Variants in ZNF804B observed in about 807,000 individuals in gnomAD.
The protein encoded by ZNF804B is zinc finger protein 804B, also known as zinc finger 804B.
In ZNF804B, 80 loss-of-function variants were observed where a neutral mutation model predicts 101.4. The ratio of observed to expected loss-of-function variants is 0.79; its 90% confidence interval spans 0.66 to 0.95. The LOEUF (loss-of-function observed/expected upper bound fraction) is 0.95. Ranked by LOEUF, ZNF804B falls within the 40% of genes least tolerant of loss-of-function variation. The pLI is 0.00. For missense variants in ZNF804B, 1,673 were observed against 1,561.9 expected, an observed-to-expected ratio of 1.07 and a Z score of -1.20; for synonymous variants, 622 against 558.8, an observed-to-expected ratio of 1.11 and a Z score of -1.59.
chr7:89,188,868 G>T (rs1220339101), intron 1 of ZNF804B, among the ~76,000 whole-genome samples: 5 of 152,244 alleles, frequency 3.3e-5, no homozygotes, highest in Middle Eastern at 3.4e-3. Context: ...GAGGTTTAAA[G>T]AAAGAAGCCA....
At chr7:89,245,208 A>G (rs1789425625) in intron 2 of ZNF804B, among the ~76,000 whole-genome samples, 1 of 151,670 alleles carries the variant, frequency 6.6e-6, no homozygotes, top group Non-Finnish European at 1.5e-5. Context: ...GCTTGAAAAT[A>G]CAAGCAAGTA....
intron 1 of ZNF804B, among the ~76,000 whole-genome samples, chr7:88,947,174 C>A (rs908935789): frequency 6.6e-6 from 1 of 151,890 alleles, no homozygotes; most frequent in African/African-American, 2.4e-5. Flanking sequence ...GGTATATACC[C>A]AAAACATTAT....
chr7:88,938,532 A>AT (rs1014005101), intron 1 of ZNF804B, among the ~76,000 whole-genome samples: 3 of 152,038 alleles, frequency 2.0e-5, no homozygotes, highest in African/African-American at 7.2e-5. Flanking sequence ...ATCATGATAT[A>AT]TAGGGTTAAA....
intron 2 of ZNF804B, among the ~76,000 whole-genome samples, chr7:89,250,602 TC>T (rs1789523461): frequency 6.6e-6 from 1 of 151,774 alleles, no homozygotes; most frequent in Admixed American, 6.6e-5. Flanking sequence ...AAAACCAGCA[TC>T]CCCCGATACC....
intron 2 of ZNF804B, among the ~76,000 whole-genome samples, chr7:89,306,028 T>C (rs1790557416): frequency 6.6e-6 from 1 of 151,962 alleles, no homozygotes; most frequent in African/African-American, 2.4e-5. Context: ...TAATACAGTT[T>C]AGGAATTTTG....
At chr7:89,014,105 T>C (rs2116199199) in intron 1 of ZNF804B, among the ~76,000 whole-genome samples, 1 of 152,286 alleles carries the variant, frequency 6.6e-6, no homozygotes, top group South Asian at 2.1e-4. Context: ...GTAGTTCTAT[T>C]TGTAGTTTTT....
chr7:89,132,182 A>G (rs925848453), intron 1 of ZNF804B, among the ~76,000 whole-genome samples: 2 of 150,990 alleles, frequency 1.3e-5, no homozygotes, highest in African/African-American at 4.9e-5. Context: ...ACACACACAC[A>G]CACACACACA....
chr7:88,908,575 A>C (rs1403914518), intron 1 of ZNF804B, among the ~76,000 whole-genome samples: 1 of 151,816 alleles, frequency 6.6e-6, no homozygotes, highest in Non-Finnish European at 1.5e-5. Context: ...CAAGAACTTG[A>C]GAGAATCTTC....
At chr7:89,042,063 TTATACTTTTTC>T (rs1789024303) in intron 1 of ZNF804B, among the ~76,000 whole-genome samples, 1 of 152,164 alleles carries the variant, frequency 6.6e-6, no homozygotes, top group Non-Finnish European at 1.5e-5. Flanking sequence ...GAGAAATGTG[TTATACTTTTTC>T]TAGTTCAGCT....
intron 1 of ZNF804B, among the ~76,000 whole-genome samples, chr7:88,922,837 A>G (rs4728791): frequency 0.023 from 3,547 of 152,130 alleles, 161 homozygotes; most frequent in East Asian, 0.19. Flanking sequence ...TTTTTAGTAT[A>G]ATGATTTCAA....
At chr7:88,903,024 T>A (rs1346780260) in intron 1 of ZNF804B, among the ~76,000 whole-genome samples, 1 of 152,206 alleles carries the variant, frequency 6.6e-6, no homozygotes, top group East Asian at 1.9e-4. Context: ...TGCTGAGGTT[T>A]AAGGTATGGA....
intron 2 of ZNF804B, among the ~76,000 whole-genome samples, chr7:89,225,302 C>T (rs189610486): frequency 3.9e-5 from 6 of 152,218 alleles, no homozygotes; most frequent in African/African-American, 1.2e-4. Context: ...TCTACAAACA[C>T]TACAAGTCAG....
chr7:89,301,815 T>C (rs1440707806), intron 2 of ZNF804B, among the ~76,000 whole-genome samples: 1 of 151,884 alleles, frequency 6.6e-6, no homozygotes, highest in African/African-American at 2.4e-5. Context: ...AAGGACCAGT[T>C]TCCCTTTCTC....
chr7:89,006,398 A>G lies in ZNF804B; in HGVS notation c.109-211757A>G, dbSNP rs903574420. On this transcript the variant is annotated intron_variant, in intron 1 of 3. Transcript: ENST00000333190. Reference sequence around the variant, plus strand: ...ACACCTCATATTTTATCTGTTCACAATTGTAAAGGCATTCAGAAGAATGTG... The same window carrying G: ...ACACCTCATATTTTATCTGTTCACAGTTGTAAAGGCATTCAGAAGAATGTG... Among the ~76,000 whole-genome samples the G allele has an allele frequency of 6.6e-5, 10 of 152,202 alleles. No homozygotes were observed. The East Asian group carries it at 9.7e-4, about 15-fold the overall frequency.
In ZNF804B at chr7:88,978,731, C is replaced by T. The variant is rs1054590805; in HGVS notation, c.108+218647C>T. Among the ~76,000 whole-genome samples the T allele has an allele frequency of 3.3e-5, 5 of 151,622 alleles. No homozygotes were observed. The South Asian group carries it at 1.0e-3, about 31-fold the overall frequency. On this transcript the variant is annotated intron_variant, in intron 1 of 3. Transcript: ENST00000333190. ...TTCAATATTAAGTAAAGACTTACTA[C>T]TGCCATTTTGTTGTCTGTTTTCTGG... is the stretch of plus-strand genomic sequence containing the variant.
chr7:89,090,147 T>A (rs796266021), intron 1 of ZNF804B, among the ~76,000 whole-genome samples: 21 of 152,160 alleles, frequency 1.4e-4, no homozygotes, highest in African/African-American at 4.8e-4. Flanking sequence ...ATAGATAACA[T>A]TTATGTTGCA....
At chr7:88,944,520 T>C (rs1418189529) in intron 1 of ZNF804B, among the ~76,000 whole-genome samples, 1 of 151,696 alleles carries the variant, frequency 6.6e-6, no homozygotes, top group East Asian at 1.9e-4. Context: ...TATGTAGCCA[T>C]GGGTTCTGCA....
intron 1 of ZNF804B, among the ~76,000 whole-genome samples, chr7:88,903,418 CAT>C (rs1425036594): frequency 2.0e-5 from 3 of 152,100 alleles, no homozygotes; most frequent in African/African-American, 7.2e-5. Context: ...TGAATATGCA[CAT>C]GCATGTGTCT....
chr7:88,990,921 T>C (rs1327127691), intron 1 of ZNF804B, among the ~76,000 whole-genome samples: 1 of 152,146 alleles, frequency 6.6e-6, no homozygotes, highest in South Asian at 2.1e-4. Flanking sequence ...GTTTTGTTTC[T>C]TTTTTAACAT....
Sources: allele counts gnomAD v4.1 joint callset (sites outside exome capture counted in the v4.1 genomes callset), GRCh38; gene constraint gnomAD v4.1.1; transcripts MANE v1.5; gene names NCBI Gene and HGNC (gene_info 2026-07-23, HGNC 2026-07-21).